BICRA: variants seen among roughly 807,000 people sequenced by gnomAD.
BICRA encodes BRD4 interacting chromatin remodeling complex associated protein, also known as BRD4-interacting chromatin-remodeling complex-associated protein.
In BICRA, 31 loss-of-function variants were observed where a neutral mutation model predicts 96.9. The observed-to-expected ratio is 0.32, with a 90% CI of 0.24 to 0.43. The LOEUF is 0.43. Among genes scored for constraint, BICRA ranks in the 20% least tolerant of loss-of-function variants. BICRA has a pLI of 1.00. For synonymous variants in BICRA, 1,350 were observed against 1,071.8 expected, an observed-to-expected ratio of 1.26 and a Z score of -5.07; for missense variants, 2,283 against 2,190.3, an observed-to-expected ratio of 1.04 and a Z score of -0.84.
At position 47,695,095 on chromosome 19, in the gene BICRA, G is replaced by A. The variant is rs770780099; in HGVS notation, c.3076+15G>A. 15 of 1,477,320 alleles carry A rather than the reference G, an allele frequency of 1.0e-5. No homozygotes were observed. Among genetic ancestry groups the A allele is most frequent in the South Asian group, 5.1e-5 (4 of 77,856 alleles). 91.5% of individuals were successfully genotyped at this position (1,477,320 alleles called of 1,614,324 possible). The stretch of plus-strand genomic sequence containing the variant: ...GGCCGCCACAGGTAGGAGAGAGGTC[G>A]CCTATGTGCCCAGGGAGACGGGGCC... On this transcript the variant is annotated intron_variant, in intron 9 of 14. Coordinates refer to ENST00000594866, the MANE Select transcript of BICRA (RefSeq NM_001394372.1).
At chr19:47,645,165 A>G (rs1274253502) in intron 1 of BICRA, among the ~76,000 whole-genome samples, 1 of 152,168 alleles carries the variant, frequency 6.6e-6, no homozygotes, top group Non-Finnish European at 1.5e-5. Context: ...GTTTGGAATC[A>G]CGCCAGTTGC....
chr19:47,638,068 G>A (rs1004738047), intron 1 of BICRA, among the ~76,000 whole-genome samples: 1 of 151,972 alleles, frequency 6.6e-6, no homozygotes, highest in Non-Finnish European at 1.5e-5. Context: ...GTGCTCTCTC[G>A]GCACCCACGG....
At chr19:47,690,536 G>A (rs1973225598) in intron 7 of BICRA, among the ~76,000 whole-genome samples, 1 of 152,138 alleles carries the variant, frequency 6.6e-6, no homozygotes, top group Admixed American at 6.6e-5. Flanking sequence ...ACCCTAGGGT[G>A]AAAAATAGTG....
At chr19:47,611,735 A>C (rs1971910088) in intron 1 of BICRA, among the ~76,000 whole-genome samples, 1 of 152,144 alleles carries the variant, frequency 6.6e-6, no homozygotes, top group South Asian at 2.1e-4. Flanking sequence ...CTCATCTGCA[A>C]GTGGGGGTAA....
chr19:47,699,266 C>A lies in BICRA; in HGVS notation c.3493-37C>A. On this transcript the variant is annotated intron_variant, in intron 13 of 14. Coordinates refer to ENST00000594866, the MANE Select transcript of BICRA (RefSeq NM_001394372.1). The surrounding 1 kb of genome is among the most constrained non-coding windows in gnomAD (Gnocchi z 5.0). Reference sequence around the variant, plus strand: ...CGCTCGCGCCCCTTCCCCCTTCTTGCTGGTTCACTCGCACGTCGTCTTTTC... The same window carrying A: ...CGCTCGCGCCCCTTCCCCCTTCTTGATGGTTCACTCGCACGTCGTCTTTTC... 2 of 1,240,674 alleles carry A rather than the reference C, an allele frequency of 1.6e-6. No individual in the cohort carries two copies. Among genetic ancestry groups the A allele is most frequent in the Non-Finnish European group, 2.3e-6 (2 of 862,934 alleles). 76.9% of individuals were successfully genotyped at this position (1,240,674 alleles called of 1,614,324 possible).
chr19:47,640,764 T>C (rs1351707060), intron 1 of BICRA, among the ~76,000 whole-genome samples: 1 of 152,030 alleles, frequency 6.6e-6, no homozygotes, highest in African/African-American at 2.4e-5. Flanking sequence ...TGAAGCCCTG[T>C]CAGGGTTCCT....
chr19:47,621,466 CTTTTT>C (rs751401159), intron 1 of BICRA, among the ~76,000 whole-genome samples: 1 of 135,022 alleles, frequency 7.4e-6, no homozygotes, highest in African/African-American at 2.7e-5. Context: ...ATTTTTTAGT[CTTTTT>C]TTTTTTTTTT....
At chr19:47,625,862 C>T (rs948905857) in intron 1 of BICRA, among the ~76,000 whole-genome samples, 6 of 151,374 alleles carry the variant, frequency 4.0e-5, no homozygotes, top group South Asian at 2.1e-4. Context: ...GTGTGGGGGC[C>T]GGGGGCACGG....
At chr19:47,691,773 C>T (rs1436727380) in intron 7 of BICRA, among the ~76,000 whole-genome samples, 1 of 152,104 alleles carries the variant, frequency 6.6e-6, no homozygotes, top group African/African-American at 2.4e-5. Flanking sequence ...GTTGACTAGG[C>T]TGGTCTCAAA....
In BICRA at chr19:47,698,439, G is replaced by A. The variant is rs1434134202; in HGVS notation, c.3249-195G>A. ...GTAAAATGGGGATAGCGATAGCACT[G>A]CTTTGGTCGGCCCCAGGGACTCAGT... is the stretch of plus-strand genomic sequence containing the variant. On this transcript the variant is annotated intron_variant, in intron 11 of 14. Coordinates refer to ENST00000594866, the MANE Select transcript of BICRA (RefSeq NM_001394372.1). The surrounding 1 kb of genome is among the most constrained non-coding windows in gnomAD (Gnocchi z 4.8). Among the ~76,000 whole-genome samples the A allele has an allele frequency of 6.6e-6, 1 of 152,174 alleles. No homozygotes were observed. The highest frequency in any genetic ancestry group is 1.5e-5 in the Non-Finnish European group (1 of 68,026).
In BICRA at chr19:47,679,778, T is replaced by A; in HGVS notation, c.608T>A (p.Leu203Gln). Residue 203 changes from leucine to glutamine, a missense_variant, in exon 6 of 15, where the codon CTG becomes CAG. Coordinates refer to ENST00000594866, the MANE Select transcript of BICRA (RefSeq NM_001394372.1). Reference sequence around the variant, plus strand: ...CAGCCCTTCCTGCAGCCTGTGGGCCTGGGCAATGTGACACTGCAGCCCATC... The same window carrying A: ...CAGCCCTTCCTGCAGCCTGTGGGCCAGGGCAATGTGACACTGCAGCCCATC... ...SVQPFLQPVGLGNVTLQPIPG... is the reference protein window; with the variant it reads ...SVQPFLQPVGQGNVTLQPIPG... 6.7e-7 allele frequency: 1 copy of A among 1,503,592 alleles called. No homozygotes were observed. Among genetic ancestry groups the A allele is most frequent in the Non-Finnish European group, 8.9e-7 (1 of 1,128,012 alleles). The allele number at this position is 1,503,592 out of a possible 1,614,324, so 93.1% of individuals were successfully genotyped here. A position where few individuals can be genotyped will look rare whatever the true frequency, so the allele number is the denominator to read the frequency against.
At chr19:47,673,310 T>C (rs1972893369) in intron 2 of BICRA, among the ~76,000 whole-genome samples, 1 of 152,104 alleles carries the variant, frequency 6.6e-6, no homozygotes, top group Non-Finnish European at 1.5e-5. Context: ...AGGACTCACT[T>C]AGTCTTGGTT....
At position 47,698,324 on chromosome 19, in the gene BICRA, G is replaced by C. The variant is rs1251196840; in HGVS notation, c.3249-310G>C. Among the ~76,000 whole-genome samples, 1 of 152,170 alleles carries C rather than the reference G, an allele frequency of 6.6e-6. No homozygotes were observed. Among genetic ancestry groups the C allele is most frequent in the Non-Finnish European group, 1.5e-5 (1 of 68,014 alleles). On this transcript the variant is annotated intron_variant, in intron 11 of 14. Coordinates refer to ENST00000594866, the MANE Select transcript of BICRA (RefSeq NM_001394372.1). The surrounding 1 kb of genome is among the most constrained non-coding windows in gnomAD (Gnocchi z 4.8). ...GCAGGAGGCAGAATAGCAGCTTCCA[G>C]GCTCTGGCCTCACTTCCCGCTCTGC...
At chr19:47,626,724 T>G (rs1441693173) in intron 1 of BICRA, among the ~76,000 whole-genome samples, 3 of 144,882 alleles carry the variant, frequency 2.1e-5, no homozygotes, top group Admixed American at 1.4e-4. Context: ...TGGGTTTTTT[T>G]TTTTTTTTTT....
intron 1 of BICRA, among the ~76,000 whole-genome samples, chr19:47,625,758 T>C (rs548748536): frequency 1.3e-5 from 2 of 151,810 alleles, no homozygotes; most frequent in East Asian, 3.9e-4. Flanking sequence ...GGAGAGGGTG[T>C]GAAGGCAGAG....
At chr19:47,669,059 G>A (rs772832246) in intron 1 of BICRA, among the ~76,000 whole-genome samples, 2 of 151,840 alleles carry the variant, frequency 1.3e-5, no homozygotes, top group East Asian at 3.9e-4. Context: ...AGCCGAGATC[G>A]CATCACTGCA....
chr19:47,653,855 T>C (rs1035695657), intron 1 of BICRA, among the ~76,000 whole-genome samples: 1 of 152,178 alleles, frequency 6.6e-6, no homozygotes, highest in African/African-American at 2.4e-5. Context: ...TTTTTGAAAC[T>C]GAGTTTCGCT....
At chr19:47,620,229 T>G (rs571130761) in intron 1 of BICRA, among the ~76,000 whole-genome samples, 1 of 152,152 alleles carries the variant, frequency 6.6e-6, no homozygotes, top group Non-Finnish European at 1.5e-5. Flanking sequence ...GGGCTGTGTT[T>G]CCTGTGTTCT....
chr19:47,651,835 G>A (rs1201564026), intron 1 of BICRA, among the ~76,000 whole-genome samples: 1 of 152,224 alleles, frequency 6.6e-6, no homozygotes, highest in Non-Finnish European at 1.5e-5. Context: ...TTAAGAGACA[G>A]GAGGAATGGT....
Sources: gnomAD v4.1 joint callset for allele counts (sites outside exome capture counted in the v4.1 genomes callset) on GRCh38, gnomAD v4.1.1 for gene constraint, Gnocchi (gnomAD v3.1) non-coding constraint, MANE v1.5 for transcripts, NCBI Gene and HGNC (gene_info 2026-07-23, HGNC 2026-07-21) for gene names.